The following QTRT2 variants were observed in gnomAD, a reference collection of about 807,000 sequenced individuals.
QTRT2 encodes queuine tRNA-ribosyltransferase accessory subunit 2, also known as queuine tRNA-ribosyltransferase domain containing 1.
A neutral mutation model predicts 44.8 loss-of-function variants in QTRT2; 32 were observed. The observed-to-expected ratio is 0.71, with a 90% CI of 0.54 to 0.96. The LOEUF is 0.96. QTRT2 is among the 40% of genes least tolerant of loss of function. QTRT2 has a pLI of 0.00. For synonymous variants in QTRT2, 182 were observed against 187.4 expected (o/e 0.97, Z 0.24); for missense variants, 461 against 503.1 (o/e 0.92, Z 0.80).
intron 2 of QTRT2, among the ~76,000 whole-genome samples, chr3:114,059,089 C>A (rs1161303259): frequency 6.6e-6 from 1 of 152,192 alleles, no homozygotes; most frequent in Non-Finnish European, 1.5e-5. Flanking sequence ...ATTTAAAAAT[C>A]CATTCTCTCC....
chr3:114,062,249 G>T (rs751255756), intron 2 of QTRT2, among the ~76,000 whole-genome samples: 14 of 151,654 alleles, frequency 9.2e-5, no homozygotes, highest in African/African-American at 2.4e-4. Flanking sequence ...GGCACCTGTG[G>T]TCTCAGCTAC....
chr3:114,057,739 A>G (rs191757777), intron 2 of QTRT2, among the ~76,000 whole-genome samples: 1 of 152,334 alleles, frequency 6.6e-6, no homozygotes, highest in East Asian at 1.9e-4. Context: ...AAGTGCATAT[A>G]TTATAGTATA....
At chr3:114,080,126 C>A in intron 8 of QTRT2, 69 bp downstream of exon 8, 1 of 1,312,692 alleles carries the variant, frequency 7.6e-7, no homozygotes, top group Non-Finnish European at 1.0e-6. Flanking sequence ...TGGCTTGAGT[C>A]ACAAGACAGA....
intron 2 of QTRT2, among the ~76,000 whole-genome samples, chr3:114,064,169 C>T (rs978000795): frequency 5.3e-5 from 8 of 151,964 alleles, no homozygotes; most frequent in Non-Finnish European, 8.8e-5. Context: ...GAGCTGAGAT[C>T]GCTTCACTGC....
chr3:114,076,024 G>A (rs916366257), intron 6 of QTRT2, among the ~76,000 whole-genome samples: 10 of 152,270 alleles, frequency 6.6e-5, no homozygotes, highest in African/African-American at 2.4e-4. Flanking sequence ...ATAGTCAGTT[G>A]TCTCAACAGT....
intron 6 of QTRT2, among the ~76,000 whole-genome samples, chr3:114,072,770 G>A (rs955510064): frequency 6.6e-6 from 1 of 152,150 alleles, no homozygotes; most frequent in Non-Finnish European, 1.5e-5. Context: ...CTGACATATT[G>A]TAAGCCCTCA....
At position 114,065,370 on chromosome 3, in the gene QTRT2, A is replaced by G. The variant is rs200658892; in HGVS notation, c.113A>G (p.Lys38Arg). 118 of 1,614,162 alleles carry G rather than the reference A, an allele frequency of 7.3e-5. No individual in the cohort carries two copies. The highest frequency in any genetic ancestry group is 9.7e-5 in the Non-Finnish European group (114 of 1,180,018). The change falls in exon 3 of 10, where the codon AAG becomes AGG. Residue 38 changes from lysine to arginine, a missense_variant. Physicochemically the swap from Lys to Arg is conservative, Grantham distance 26. Transcript: ENST00000281273. ...MDIPGCLLYT[K>R]TGSAPHLTHH... ...ATTCCAGGCTGCCTTCTGTATACCA[A>G]GACTGGCTCCGCCCCACACCTCACC...
chr3:114,085,938 G>T lies in QTRT2; in HGVS notation c.*34G>T. On this transcript the variant is annotated 3_prime_UTR_variant, in exon 10 of 10. Coordinates refer to ENST00000281273, the MANE Select transcript of QTRT2 (RefSeq NM_024638.4). ...AAATACAAGTCTCACTCTTCACACT[G>T]AGCCTGTACCACTGTTGTAACATGG... The T allele has an allele frequency of 6.8e-7, 1 of 1,463,378 alleles. No individual in the cohort carries two copies. The highest frequency in any genetic ancestry group is 9.6e-7 in the Non-Finnish European group (1 of 1,043,318). The allele number at this position is 1,463,378 out of a possible 1,614,324, so 90.6% of individuals were successfully genotyped here.
At chr3:114,068,168 T>C in intron 5 of QTRT2, 105 bp downstream of exon 5, 2 of 890,668 alleles carry the variant, frequency 2.2e-6, no homozygotes, top group Non-Finnish European at 3.8e-6. Context: ...TGATCCCTTA[T>C]ACCTTTTCCT....
At chr3:114,065,556 A>G in intron 3 of QTRT2, 99 bp downstream of exon 3, 1 of 882,228 alleles carries the variant, frequency 1.1e-6, no homozygotes, top group Admixed American at 2.8e-5. Flanking sequence ...CATATATATA[A>G]ATTGTCGATT....
chr3:114,081,238 C>G (rs1344425027), intron 8 of QTRT2, among the ~76,000 whole-genome samples: 1 of 152,184 alleles, frequency 6.6e-6, no homozygotes, highest in Non-Finnish European at 1.5e-5. Flanking sequence ...ATTATTAACT[C>G]TGTGTGTGTA....
At chr3:114,065,681 A>G (rs1188304489) in intron 3 of QTRT2, among the ~76,000 whole-genome samples, 1 of 152,200 alleles carries the variant, frequency 6.6e-6, no homozygotes, top group Admixed American at 6.5e-5. Flanking sequence ...CCAAACCTAC[A>G]GTCCCATACT....
intron 9 of QTRT2, among the ~76,000 whole-genome samples, chr3:114,083,658 C>A (rs920081941): frequency 2.6e-5 from 4 of 152,042 alleles, no homozygotes; most frequent in Non-Finnish European, 5.9e-5. Flanking sequence ...TTGTGACTTA[C>A]TTATGTCTAT....
intron 2 of QTRT2, among the ~76,000 whole-genome samples, chr3:114,060,507 GATAGATAGATAGATAGATA>G (rs2076868645): frequency 1.3e-5 from 1 of 79,524 alleles, no homozygotes; most frequent in South Asian, 4.7e-4. Flanking sequence ...TAGATAGATA[GATAGATAGATAGATAGATA>G]GATAGATAGA....
chr3:114,085,569 G>A, intron 9 of QTRT2, 104 bp from the exon 10 acceptor site: 1 of 934,594 alleles, frequency 1.1e-6, no homozygotes. Flanking sequence ...ATTTGCCAGT[G>A]ATGTTATTAA....
intron 2 of QTRT2, among the ~76,000 whole-genome samples, chr3:114,063,187 T>G (rs781723073): frequency 1.3e-5 from 2 of 152,250 alleles, no homozygotes; most frequent in Non-Finnish European, 2.9e-5. Context: ...AGGTATTGAT[T>G]CATGAAGCTT....
In QTRT2 at chr3:114,074,266, A is replaced by G. The variant is rs79719334; in HGVS notation, c.547-2477A>G. On this transcript the variant is annotated intron_variant, in intron 6 of 9. Coordinates refer to ENST00000281273, the MANE Select transcript of QTRT2 (RefSeq NM_024638.4). ...CTGATTCCTCAAATTCAGAACACAC[A>G]GAACAGAGTAATCATCTTGCTTCAT... is the stretch of plus-strand genomic sequence containing the variant. Among the ~76,000 whole-genome samples the G allele has an allele frequency of 8.6e-3, 1,308 of 152,346 alleles. 10 individuals are homozygous for G. Among genetic ancestry groups the G allele is most frequent in the Non-Finnish European group, 0.015 (987 of 68,028 alleles).
At chr3:114,070,316 G>A (rs2077007752) in intron 5 of QTRT2, among the ~76,000 whole-genome samples, 1 of 152,140 alleles carries the variant, frequency 6.6e-6, no homozygotes, top group South Asian at 2.1e-4. Context: ...AAGGAACAGT[G>A]TGATCAAAGT....
chr3:114,066,841 C>T (rs932887719), intron 4 of QTRT2, among the ~76,000 whole-genome samples: 16 of 152,156 alleles, frequency 1.1e-4, no homozygotes, highest in African/African-American at 3.9e-4. Flanking sequence ...AAAGTAGTCT[C>T]ATCATGCTTG....
Sources: gnomAD v4.1 joint callset for allele counts (sites outside exome capture counted in the v4.1 genomes callset) on GRCh38, gnomAD v4.1.1 for gene constraint, MANE v1.5 for transcripts, NCBI Gene and HGNC (gene_info 2026-07-23, HGNC 2026-07-21) for gene names.